Variants in DLGAP1 observed in about 807,000 individuals in gnomAD.
DLGAP1 encodes DLG associated protein 1.
DLGAP1 carries 11 observed loss-of-function variants against 90.8 expected under a neutral mutation model. The ratio of observed to expected loss-of-function variants is 0.12; its 90% CI spans 0.08 to 0.20. The LOEUF is 0.20. Among genes scored for constraint, DLGAP1 ranks in the 10% least tolerant of loss-of-function variants. DLGAP1 has a pLI of 1.00. For missense variants in DLGAP1, 1,050 were observed against 1,333.8 expected (o/e 0.79, Z 3.31); for synonymous variants, 558 against 540.7 (o/e 1.03, Z -0.44).
chr18:3,537,416 C>T (rs2052441367), intron 9 of DLGAP1, among the ~76,000 whole-genome samples: 3 of 152,176 alleles, frequency 2.0e-5, no homozygotes, highest in African/African-American at 7.2e-5. Context: ...AAAGTTTCAT[C>T]CATGTTGTAA....
At chr18:3,860,298 A>C (rs112497938) in intron 4 of DLGAP1, among the ~76,000 whole-genome samples, 19,907 of 151,972 alleles carry the variant, frequency 0.13, 1,337 homozygotes, top group Admixed American at 0.15. Context: ...CACACTGCTA[A>C]CACTGTGTTT....
chr18:4,340,616 GA>G (rs149360707), intron 1 of DLGAP1, among the ~76,000 whole-genome samples: 6 of 147,208 alleles, frequency 4.1e-5, no homozygotes, highest in East Asian at 2.0e-4. Flanking sequence ...TTGTTATTAA[GA>G]AAAAAAAAAC....
At chr18:3,530,368 C>G (rs2051911520) in intron 10 of DLGAP1, among the ~76,000 whole-genome samples, 1 of 152,020 alleles carries the variant, frequency 6.6e-6, no homozygotes, top group Non-Finnish European at 1.5e-5. Context: ...GATCCCATCA[C>G]TGCACTCCAG....
chr18:4,271,357 A>G (rs558732358), intron 1 of DLGAP1, among the ~76,000 whole-genome samples: 222 of 152,328 alleles, frequency 1.5e-3, no homozygotes, highest in Non-Finnish European at 2.9e-3. Flanking sequence ...TTTTCATGAT[A>G]CTACCTAATT....
chr18:4,420,836 C>T (rs551912065), intron 1 of DLGAP1, among the ~76,000 whole-genome samples: 307 of 152,220 alleles, frequency 2.0e-3, no homozygotes, highest in African/African-American at 7.0e-3. Context: ...ATATTTAAGC[C>T]AGAATTGTGC....
At chr18:3,530,991 A>G (rs2051954896) in intron 10 of DLGAP1, among the ~76,000 whole-genome samples, 2 of 152,178 alleles carry the variant, frequency 1.3e-5, no homozygotes, top group Non-Finnish European at 2.9e-5. Context: ...CAGTGAAGAT[A>G]TCCCCAGTCT....
intron 2 of DLGAP1, among the ~76,000 whole-genome samples, chr18:4,149,063 G>T (rs1412342889): frequency 6.6e-6 from 1 of 152,134 alleles, no homozygotes; most frequent in East Asian, 1.9e-4. Context: ...TTCCAAATAG[G>T]AAAGACAAAA....
intron 2 of DLGAP1, among the ~76,000 whole-genome samples, chr18:4,008,239 ACACACACACACT>A (rs1021708054): frequency 2.9e-4 from 44 of 151,922 alleles, no homozygotes; most frequent in Admixed American, 8.5e-4. Flanking sequence ...ACACACACAC[ACACACACACACT>A]CACACACACA....
At chr18:3,962,976 G>T (rs2073234467) in intron 3 of DLGAP1, among the ~76,000 whole-genome samples, 1 of 152,138 alleles carries the variant, frequency 6.6e-6, no homozygotes, top group Non-Finnish European at 1.5e-5. Context: ...GTGATTCTCA[G>T]TTATCTATTC....
chr18:4,332,014 G>A (rs1484802899), intron 1 of DLGAP1, among the ~76,000 whole-genome samples: 5 of 151,834 alleles, frequency 3.3e-5, no homozygotes, highest in Non-Finnish European at 7.3e-5. Flanking sequence ...ATCACTCCAG[G>A]AAAGTGCAAA....
chr18:3,599,223 T>C (rs1002318310), intron 7 of DLGAP1, among the ~76,000 whole-genome samples: 2 of 152,234 alleles, frequency 1.3e-5, no homozygotes, highest in African/African-American at 4.8e-5. Flanking sequence ...TCCTCGTTGG[T>C]TGAGTGTTTA....
intron 3 of DLGAP1, among the ~76,000 whole-genome samples, chr18:3,979,566 G>A (rs572259858): frequency 1.3e-4 from 20 of 152,352 alleles, no homozygotes; most frequent in South Asian, 1.0e-3. Flanking sequence ...GAGAGGAGAC[G>A]AAGAGATAGG....
chr18:3,668,153 T>C (rs1225812064), intron 7 of DLGAP1, among the ~76,000 whole-genome samples: 3 of 152,202 alleles, frequency 2.0e-5, no homozygotes, highest in Non-Finnish European at 4.4e-5. Flanking sequence ...CTTGTTCAGA[T>C]GGCACATAAG....
intron 1 of DLGAP1, among the ~76,000 whole-genome samples, chr18:4,409,069 TATA>T (rs1467689779): frequency 1.3e-5 from 2 of 151,896 alleles, no homozygotes; most frequent in African/African-American, 4.8e-5. Context: ...TTAAATAAAT[TATA>T]ATATTATGAT....
At chr18:3,710,937 T>C (rs527453262) in intron 7 of DLGAP1, among the ~76,000 whole-genome samples, 44 of 151,700 alleles carry the variant, frequency 2.9e-4, no homozygotes, top group Non-Finnish European at 5.2e-4. Context: ...CCCTGGTGAG[T>C]GTCTAATAAG....
intron 1 of DLGAP1, among the ~76,000 whole-genome samples, chr18:4,185,315 T>C (rs1297950137): frequency 6.6e-6 from 1 of 151,994 alleles, no homozygotes; most frequent in African/African-American, 2.4e-5. Flanking sequence ...GCAGGTTTCT[T>C]ACGTAGGTAA....
intron 1 of DLGAP1, among the ~76,000 whole-genome samples, chr18:4,277,487 G>A (rs889459284): frequency 6.6e-6 from 1 of 152,186 alleles, no homozygotes; most frequent in African/African-American, 2.4e-5. Context: ...TGGGTTTTCT[G>A]TGGGGTAAGA....
In DLGAP1 at chr18:3,897,814, G is replaced by C. The variant is rs1332052191; in HGVS notation, c.-72-17674C>G. 6.6e-5 allele frequency among the ~76,000 whole-genome samples: 8 copies of C among 121,926 alleles called. No homozygotes were observed. The Admixed American group carries it at 8.6e-4, about 13-fold the overall frequency. The allele number at this position is 121,926 out of a possible 152,430, so 80.0% of individuals were successfully genotyped here. ...TTTTTTTTTTTTTTTTTGAGACGGA[G>C]TCTCGCTCTGTCGCCCAGGCCGGAC... On this transcript the variant is annotated intron_variant, in intron 3 of 12. Transcript: ENST00000315677.
At chr18:4,352,794 T>C (rs1412476623) in intron 1 of DLGAP1, among the ~76,000 whole-genome samples, 2 of 152,166 alleles carry the variant, frequency 1.3e-5, no homozygotes, top group Admixed American at 1.3e-4. Context: ...TCTCAGTCTT[T>C]ACGCTTATTT....
Sources: gnomAD v4.1 joint callset for allele counts (sites outside exome capture counted in the v4.1 genomes callset) on GRCh38, gnomAD v4.1.1 for gene constraint, MANE v1.5 for transcripts, NCBI Gene and HGNC (gene_info 2026-07-23, HGNC 2026-07-21) for gene names.